The following ADD2 variants were observed in gnomAD, a reference collection of about 807,000 sequenced individuals.
ADD2 encodes beta-adducin.
In ADD2, 23 loss-of-function variants were observed where a neutral mutation model predicts 83.0. The observed-to-expected ratio is 0.28, with a 90% CI of 0.20 to 0.39. The LOEUF (loss-of-function observed/expected upper bound fraction) is 0.39, where lower values mean the gene tolerates loss of function less well. Among genes scored for constraint, ADD2 ranks in the 10% least tolerant of loss-of-function variants. The probability of loss-of-function intolerance (pLI) is 1.00; values close to 1 mark genes in which losing one functional copy is unlikely to be tolerated. For missense variants in ADD2, 758 were observed against 944.9 expected (o/e 0.80, Z 2.59); for synonymous variants, 375 against 375.4 (o/e 1.00, Z 0.01).
chr2:70,692,375 T>C (rs782002173), intron 7 of ADD2, 28 bp downstream of exon 7: 7 of 1,512,414 alleles, frequency 4.6e-6, no homozygotes, highest in Admixed American at 2.2e-5. Flanking sequence ...ACGTCTTTCC[T>C]TGGGTGGCTG....
At chr2:70,704,546 C>T in intron 3 of ADD2, 87 bp from the exon 4 acceptor site, 5 of 1,554,842 alleles carry the variant, frequency 3.2e-6, no homozygotes, top group East Asian at 4.5e-5. Flanking sequence ...CACCCCTTGC[C>T]CCTGGGTCAG....
chr2:70,700,000 A>G (rs1374478775), intron 4 of ADD2, among the ~76,000 whole-genome samples: 2 of 152,238 alleles, frequency 1.3e-5, no homozygotes, highest in Non-Finnish European at 2.9e-5. Context: ...TAATGAAGCT[A>G]TAACTATCAG....
At chr2:70,688,699 C>G (rs1247679522) in intron 8 of ADD2, among the ~76,000 whole-genome samples, 1 of 152,122 alleles carries the variant, frequency 6.6e-6, no homozygotes, top group Non-Finnish European at 1.5e-5. Flanking sequence ...ACCATAAACT[C>G]AACAAGGCCC....
At chr2:70,723,330 C>T (rs1263794090) in intron 1 of ADD2, among the ~76,000 whole-genome samples, 1 of 152,082 alleles carries the variant, frequency 6.6e-6, no homozygotes, top group African/African-American at 2.4e-5. Flanking sequence ...AAGGACTCCA[C>T]AAATGTTAGG....
intron 1 of ADD2, among the ~76,000 whole-genome samples, chr2:70,764,099 G>A (rs1675257315): frequency 6.6e-6 from 1 of 151,644 alleles, no homozygotes; most frequent in African/African-American, 2.4e-5. Context: ...TGTTGGTCAT[G>A]CTGGTCTCGA....
intron 6 of ADD2, among the ~76,000 whole-genome samples, chr2:70,693,409 A>C (rs182527251): frequency 4.8e-4 from 73 of 152,276 alleles, no homozygotes; most frequent in Non-Finnish European, 8.8e-5. Context: ...TAAAACTGAG[A>C]CACCCGTGAC....
At chr2:70,742,881 T>C (rs965960961) in intron 1 of ADD2, among the ~76,000 whole-genome samples, 2 of 152,218 alleles carry the variant, frequency 1.3e-5, no homozygotes, top group African/African-American at 4.8e-5. Flanking sequence ...TTTTTTAAGT[T>C]ATGTGATATT....
chr2:70,758,067 A>G (rs1553384163), intron 1 of ADD2, among the ~76,000 whole-genome samples: 3 of 152,214 alleles, frequency 2.0e-5, no homozygotes, highest in Non-Finnish European at 4.4e-5. Flanking sequence ...GTTACCAGGG[A>G]GGCTGCCATT....
intron 1 of ADD2, among the ~76,000 whole-genome samples, chr2:70,733,689 G>A (rs1289627114): frequency 6.6e-6 from 1 of 152,190 alleles, no homozygotes; most frequent in Non-Finnish European, 1.5e-5. Flanking sequence ...ATGGTAAAAT[G>A]TATCAAGGAT....
intron 2 of ADD2, among the ~76,000 whole-genome samples, chr2:70,709,930 T>C (rs191783880): frequency 6.6e-6 from 1 of 152,234 alleles, no homozygotes; most frequent in Admixed American, 6.5e-5. Context: ...TCAAACATAA[T>C]AGAACTGCAT....
At chr2:70,742,752 T>A (rs1229762971) in intron 1 of ADD2, among the ~76,000 whole-genome samples, 1 of 152,212 alleles carries the variant, frequency 6.6e-6, no homozygotes, top group Non-Finnish European at 1.5e-5. Context: ...ATGTGCTCTG[T>A]ATGTATAAAT....
chr2:70,767,795 G>C, intron 1 of ADD2, 91 bp downstream of exon 1: 1 of 1,506,928 alleles, frequency 6.6e-7, no homozygotes, highest in Non-Finnish European at 8.8e-7. Flanking sequence ...TGGGCCAAGC[G>C]GCTCCCGCCC....
At chr2:70,704,263 T>TCGG in intron 4 of ADD2, 58 bp downstream of exon 4, 3 of 913,238 alleles carry the variant, frequency 3.3e-6, no homozygotes, top group Non-Finnish European at 5.1e-6. Flanking sequence ...CTCCCTCTCT[T>TCGG]CCCCACCCCA....
At chr2:70,710,302 A>G (rs901677432) in intron 2 of ADD2, among the ~76,000 whole-genome samples, 4 of 152,084 alleles carry the variant, frequency 2.6e-5, no homozygotes, top group Non-Finnish European at 5.9e-5. Flanking sequence ...GAAAAGGTTG[A>G]CCCTCTCCCC....
chr2:70,671,523 T>C (rs1669894160), intron 15 of ADD2, among the ~76,000 whole-genome samples: 1 of 152,162 alleles, frequency 6.6e-6, no homozygotes, highest in South Asian at 2.1e-4. Context: ...CCTCCCCCAT[T>C]GCAAGGGTTG....
intron 1 of ADD2, among the ~76,000 whole-genome samples, chr2:70,727,371 A>G (rs1361199612): frequency 2.0e-5 from 3 of 151,370 alleles, no homozygotes; most frequent in Non-Finnish European, 2.9e-5. Context: ...CCATCCTTCC[A>G]TTCCCCAACG....
At chr2:70,685,824 T>C (rs1349662199) in intron 9 of ADD2, among the ~76,000 whole-genome samples, 1 of 152,194 alleles carries the variant, frequency 6.6e-6, no homozygotes, top group Non-Finnish European at 1.5e-5. Flanking sequence ...CCCACCTCCC[T>C]CTTCCTCCCC....
chr2:70,687,478 T>C (rs1202372490), intron 9 of ADD2: 1 of 154,612 alleles, frequency 6.5e-6, no homozygotes, highest in African/African-American at 2.4e-5. Context: ...GGATATCACT[T>C]GGGGTTGCTC....
chr2:70,725,421 T>C (rs529221726), intron 1 of ADD2, among the ~76,000 whole-genome samples: 1 of 152,274 alleles, frequency 6.6e-6, no homozygotes, highest in East Asian at 1.9e-4. Flanking sequence ...TATATATATA[T>C]ATGTGTGTAT....
Sources: gnomAD v4.1 joint callset for allele counts (sites outside exome capture counted in the v4.1 genomes callset) on GRCh38, gnomAD v4.1.1 for gene constraint, MANE v1.5 for transcripts, NCBI Gene and HGNC (gene_info 2026-07-23, HGNC 2026-07-21) for gene names.